ADAMTSL1: variants seen among roughly 807,000 people sequenced by gnomAD.
The protein encoded by ADAMTSL1 is ADAMTS like 1.
Under a neutral mutation model 201.8 loss-of-function variants are expected in ADAMTSL1, and 126 were observed. The observed-to-expected ratio is 0.62, with a 90% confidence interval of 0.54 to 0.72. The LOEUF is 0.72. Among genes scored for constraint, ADAMTSL1 ranks in the 30% least tolerant of loss-of-function variants. The pLI is 0.00. For missense variants in ADAMTSL1, 2,679 were observed against 2,277.8 expected, an observed-to-expected ratio of 1.18 and a Z score of -3.59; for synonymous variants, 1,121 against 903.4, an observed-to-expected ratio of 1.24 and a Z score of -4.32.
intron 2 of ADAMTSL1, among the ~76,000 whole-genome samples, chr9:18,182,017 T>C (rs1253083222): frequency 2.0e-5 from 3 of 151,938 alleles, no homozygotes; most frequent in African/African-American, 7.3e-5. Flanking sequence ...AAATCATCAT[T>C]CTCAGTAAAC....
chr9:18,889,562 TG>T lies in ADAMTSL1; in HGVS notation c.4463-5del. The T allele has an allele frequency of 6.2e-7, 1 of 1,613,466 alleles. No individual in the cohort carries two copies. On this transcript the variant is annotated splice_region_variant and splice_polypyrimidine_tract_variant and intron_variant, in intron 24 of 28. Coordinates refer to ENST00000380548, the MANE Select transcript of ADAMTSL1 (RefSeq NM_001040272.6). ...CTTTTCTACACTGCTCCTCCTCCCA[TG>T]ACAGATTACTGGTGGTCTGTGGACA...
intron 2 of ADAMTSL1, among the ~76,000 whole-genome samples, chr9:18,354,825 G>T (rs891318246): frequency 6.6e-6 from 1 of 152,122 alleles, no homozygotes; most frequent in East Asian, 1.9e-4. Context: ...AGAAAAATTA[G>T]CTGGACATGG....
chr9:18,551,566 G>C (rs985589242), intron 3 of ADAMTSL1, among the ~76,000 whole-genome samples: 3 of 139,032 alleles, frequency 2.2e-5, no homozygotes, highest in African/African-American at 8.0e-5. Context: ...TTTTTTTTAA[G>C]TCTACATGCA....
intron 24 of ADAMTSL1, among the ~76,000 whole-genome samples, chr9:18,888,549 A>C (rs2131543693): frequency 6.6e-6 from 1 of 152,358 alleles, no homozygotes; most frequent in East Asian, 1.9e-4. Flanking sequence ...TGCGAAGCCC[A>C]CATGGCTCAT....
At chr9:18,047,813 C>T (rs114568716) in intron 1 of ADAMTSL1, among the ~76,000 whole-genome samples, 1 of 152,158 alleles carries the variant, frequency 6.6e-6, no homozygotes, top group Non-Finnish European at 1.5e-5. Flanking sequence ...TCGCCAATTA[C>T]TTGGTCTGGG....
chr9:18,612,981 A>T (rs1274593507), intron 4 of ADAMTSL1, among the ~76,000 whole-genome samples: 2 of 152,222 alleles, frequency 1.3e-5, no homozygotes, highest in Admixed American at 1.3e-4. Context: ...CAAAGGTCTA[A>T]CATCCAGCAT....
chr9:18,409,559 A>T (rs991570516), intron 2 of ADAMTSL1, among the ~76,000 whole-genome samples: 2 of 151,552 alleles, frequency 1.3e-5, no homozygotes, highest in Non-Finnish European at 2.9e-5. Flanking sequence ...GTTAAATACA[A>T]CAGGAAGATA....
At chr9:18,719,822 A>G (rs1445585629) in intron 14 of ADAMTSL1, among the ~76,000 whole-genome samples, 1 of 152,222 alleles carries the variant, frequency 6.6e-6, no homozygotes, top group Non-Finnish European at 1.5e-5. Flanking sequence ...GATTGAGCTG[A>G]TGACTTCTTG....
In ADAMTSL1 at chr9:18,364,895, G is replaced by T. The variant is rs917335048; in HGVS notation, c.208-139934G>T. 3.3e-5 allele frequency among the ~76,000 whole-genome samples: 5 copies of T among 152,008 alleles called. No individual in the cohort carries two copies. In the East Asian group the frequency reaches 9.7e-4, roughly 29 times the overall value. On this transcript the variant is annotated intron_variant, in intron 2 of 29. Transcript: ENST00000680146. The stretch of plus-strand genomic sequence containing the variant: ...ACCAGACCTCACAATAACTCACTAT[G>T]CAGTACCAAAGCGGGTACTAAACCA...
chr9:18,406,337 T>TTCTTC lies in ADAMTSL1; in HGVS notation c.208-98488_208-98487insCTCTT, dbSNP rs1554673639. On this transcript the variant is annotated intron_variant, in intron 2 of 29. Coordinates refer to the ADAMTSL1 transcript ENST00000680146. ...TTCTTTTCTTTTCTTTTCTTTTCTT[T>TTCTTC]TCTTTTTTTGACATGGACTCTCACT... 5.7e-3 allele frequency among the ~76,000 whole-genome samples: 625 copies of TTCTTC among 109,860 alleles called. 12 individuals are homozygous for TTCTTC. Among genetic ancestry groups the TTCTTC allele is most frequent in the African/African-American group, 0.022 (570 of 26,498 alleles). 72.1% of individuals were successfully genotyped at this position (109,860 alleles called of 152,430 possible).
chr9:18,697,570 T>C (rs1831634667), intron 13 of ADAMTSL1, among the ~76,000 whole-genome samples: 2 of 152,230 alleles, frequency 1.3e-5, no homozygotes, highest in Admixed American at 1.3e-4. Flanking sequence ...ATGAGTTGTA[T>C]ATGTAAAATG....
chr9:18,600,712 C>T (rs1429606849), intron 4 of ADAMTSL1, among the ~76,000 whole-genome samples: 1 of 138,778 alleles, frequency 7.2e-6, no homozygotes, highest in Non-Finnish European at 1.6e-5. Flanking sequence ...TCTTTGGAAA[C>T]TTTTTCTACT....
intron 13 of ADAMTSL1, among the ~76,000 whole-genome samples, chr9:18,697,360 A>G (rs1831622815): frequency 6.6e-6 from 1 of 152,204 alleles, no homozygotes; most frequent in South Asian, 2.1e-4. Context: ...TCACCACCAG[A>G]CCTCTACAGG....
At chr9:18,724,905 G>A (rs1049062103) in intron 15 of ADAMTSL1, among the ~76,000 whole-genome samples, 59 of 73,908 alleles carry the variant, frequency 8.0e-4, no homozygotes, top group Non-Finnish European at 1.4e-3. Flanking sequence ...CCTCAGGATT[G>A]AACCTTTTTT....
intron 1 of ADAMTSL1, among the ~76,000 whole-genome samples, chr9:18,069,349 A>G (rs1188389147): frequency 6.6e-6 from 1 of 152,316 alleles, no homozygotes; most frequent in South Asian, 2.1e-4. Flanking sequence ...TAAATTATAT[A>G]TGTGGCTCAC....
At chr9:18,603,351 CTA>C (rs1824787485) in intron 4 of ADAMTSL1, among the ~76,000 whole-genome samples, 1 of 49,598 alleles carries the variant, frequency 2.0e-5, no homozygotes, top group African/African-American at 5.5e-5. Flanking sequence ...ATATGCTATG[CTA>C]TGCTATGCTA....
At chr9:18,268,018 G>T (rs1024137826) in intron 2 of ADAMTSL1, among the ~76,000 whole-genome samples, 2 of 152,200 alleles carry the variant, frequency 1.3e-5, no homozygotes, top group East Asian at 3.9e-4. Context: ...GAAGTAAAAT[G>T]TATTTAATTA....
At chr9:18,893,380 T>G (rs956059072) in intron 26 of ADAMTSL1, among the ~76,000 whole-genome samples, 2 of 152,170 alleles carry the variant, frequency 1.3e-5, no homozygotes, top group African/African-American at 4.8e-5. Context: ...GTGATTATGT[T>G]TCCTAACAGA....
At chr9:18,253,707 T>C (rs1251468213) in intron 2 of ADAMTSL1, among the ~76,000 whole-genome samples, 1 of 152,152 alleles carries the variant, frequency 6.6e-6, no homozygotes, top group African/African-American at 2.4e-5. Flanking sequence ...GGAACTGCTT[T>C]TCAGGTCTTT....
Sources: gnomAD v4.1 joint callset for allele counts (sites outside exome capture counted in the v4.1 genomes callset) on GRCh38, gnomAD v4.1.1 for gene constraint, MANE v1.5 for transcripts, NCBI Gene and HGNC (gene_info 2026-07-23, HGNC 2026-07-21) for gene names.